PSD4: variants seen among roughly 807,000 people sequenced by gnomAD.
PSD4 encodes pleckstrin and Sec7 domain containing 4.
In PSD4, 59 loss-of-function variants were observed where a neutral mutation model predicts 112.5. The observed-to-expected ratio is 0.52, with a 90% confidence interval of 0.43 to 0.65. PSD4 has a LOEUF of 0.65. Ranked by LOEUF, PSD4 falls within the 30% of genes least tolerant of loss-of-function variation. PSD4 has a pLI of 0.00. For missense variants in PSD4, 1,267 were observed against 1,352.6 expected, an observed-to-expected ratio of 0.94 and a Z score of 0.99; for synonymous variants, 533 against 540.0, an observed-to-expected ratio of 0.99 and a Z score of 0.18.
At position 113,193,054 on chromosome 2, in the gene PSD4, C is replaced by T. The variant is rs755961403; in HGVS notation, c.1845C>T (p.Asp615=). Residue 615 remains aspartate (D), a synonymous_variant, in exon 7 of 17, where the codon GAC becomes GAT. Coordinates refer to ENST00000245796, the MANE Select transcript of PSD4 (RefSeq NM_012455.3). ...GCCCCTTTTCCCTCTGCAGCAATGACTTTAGCAGGGCTGTGGCTGAGGAGT... is the reference window on the plus strand; with the variant it reads ...GCCCCTTTTCCCTCTGCAGCAATGATTTTAGCAGGGCTGTGGCTGAGGAGT... The part of the protein sequence containing the change: ...EVAAYLQKNN[D]FSRAVAEEYL... 21 of 1,614,056 alleles carry T rather than the reference C, an allele frequency of 1.3e-5. No individual in the cohort carries two copies. The highest frequency in any genetic ancestry group is 1.8e-5 in the Non-Finnish European group (21 of 1,179,876).
Position 113,195,719 on chromosome 2 carries a change from T to C in PSD4, c.2182-8T>C. ...GCTCCCCTGCCCACCTGTGTGCTTCTGTTCCAGGCCCTCTACTGGTCTATC... is the reference window on the plus strand; with the variant it reads ...GCTCCCCTGCCCACCTGTGTGCTTCCGTTCCAGGCCCTCTACTGGTCTATC... On this transcript the variant is annotated splice_polypyrimidine_tract_variant and splice_region_variant and intron_variant, in intron 10 of 16. Coordinates refer to ENST00000245796, the MANE Select transcript of PSD4 (RefSeq NM_012455.3). 1.2e-6 allele frequency: 2 copies of C among 1,614,178 alleles called. No homozygotes were observed. Among genetic ancestry groups the C allele is most frequent in the Non-Finnish European group, 1.7e-6 (2 of 1,180,024 alleles).
Position 113,201,100 on chromosome 2 carries a change from G to C in PSD4, c.2914-58G>C, listed in dbSNP as rs564713267. 2.6e-5 allele frequency: 41 copies of C among 1,552,398 alleles called. No homozygotes were observed. In the South Asian group the frequency reaches 4.7e-4, roughly 18 times the overall value. ...CTGTGAGCTGTCCCTCACGATTCTA[G>C]CCTCCTCCCAACCTGGAGCCAGGAT... On this transcript the variant is annotated intron_variant, in intron 16 of 16. Transcript: ENST00000245796.
chr2:113,189,576 T>C (rs1688396282), intron 5 of PSD4, among the ~76,000 whole-genome samples: 1 of 152,198 alleles, frequency 6.6e-6, no homozygotes, highest in Non-Finnish European at 1.5e-5. Flanking sequence ...CTTTTAGTTC[T>C]TTAAGGAATC....
chr2:113,185,015 G>A lies in PSD4; in HGVS notation c.1115G>A (p.Trp372Ter). ...CCGTGTGTGGACGAAGCATTGACCTGGGAATCAGGATGTGTCGGATCTGAT... is the reference window on the plus strand; with the variant it reads ...CCGTGTGTGGACGAAGCATTGACCTAGGAATCAGGATGTGTCGGATCTGAT... ...AAPCVDEALT[W>*]ESGCVGSDLG... Residue 372 changes from tryptophan (W) to a stop codon, truncating the protein, a stop_gained, in exon 3 of 17, where the codon TGG becomes TAG. Transcript: ENST00000245796. LOFTEE classifies it high-confidence loss of function. The A allele has an allele frequency of 2.5e-6, 4 of 1,614,254 alleles. No homozygotes were observed. The highest frequency in any genetic ancestry group is 3.4e-6 in the Non-Finnish European group (4 of 1,180,038).
chr2:113,201,632 C>T lies in PSD4; in HGVS notation c.*217C>T. The T allele has an allele frequency of 1.5e-6, 1 of 658,210 alleles. No individual in the cohort carries two copies. Among genetic ancestry groups the T allele is most frequent in the Non-Finnish European group, 2.5e-6 (1 of 396,886 alleles). The allele number at this position is 658,210 out of a possible 1,614,324, so 40.8% of individuals were successfully genotyped here. A position where few individuals can be genotyped will look rare whatever the true frequency, so the allele number is the denominator to read the frequency against. On this transcript the variant is annotated 3_prime_UTR_variant, in exon 17 of 17. Coordinates refer to ENST00000245796, the MANE Select transcript of PSD4 (RefSeq NM_012455.3). ...CCCCACCACCCCCATGGCAGTCCCT[C>T]CGCAGCCCCAGTCCCTGGCCACGCC...
Position 113,184,763 on chromosome 2 carries a change from C to T in PSD4, c.1057-194C>T, listed in dbSNP as rs187854497. 1.8e-4 allele frequency among the ~76,000 whole-genome samples: 28 copies of T among 152,274 alleles called. No individual in the cohort carries two copies. The East Asian group carries it at 5.0e-3, about 27-fold the overall frequency. ...TCCTGTCTGGGAAGGCAGAGCCCAC[C>T]CAGCCCAGTGCCTGGGGCTATCACC... On this transcript the variant is annotated intron_variant, in intron 2 of 16. Coordinates refer to ENST00000245796, the MANE Select transcript of PSD4 (RefSeq NM_012455.3).
In PSD4 at chr2:113,192,579, C is replaced by T. The variant is rs45602136; in HGVS notation, c.1828C>T (p.Leu610=). 1.5e-4 allele frequency: 236 copies of T among 1,614,082 alleles called. 2 individuals carry two copies. The African/African-American group carries it at 2.6e-3, about 17-fold the overall frequency. The change falls in exon 6 of 17, where the codon CTG becomes TTG. Residue 610 remains leucine, a synonymous_variant. Coordinates refer to ENST00000245796, the MANE Select transcript of PSD4 (RefSeq NM_012455.3). ...GFRKSEVAAY[L]QKNNDFSRAV... Reference sequence around the variant, plus strand: ...CCGGAAGTCTGAAGTGGCTGCCTACCTGCAGAAGAAGTAAGGGGCTTTGAG... The same window carrying T: ...CCGGAAGTCTGAAGTGGCTGCCTACTTGCAGAAGAAGTAAGGGGCTTTGAG...
rs1383699135 is a variant in PSD4, at chr2:113,207,569, G to A, written c.*6154G>A. The stretch of plus-strand genomic sequence containing the variant: ...CCTCCCGAGTTCACGCCATTCTCCT[G>A]CCTCAGCCTCCCGAGTAGCTGGGAC... On this transcript the variant is annotated 3_prime_UTR_variant, in exon 17 of 17. Coordinates refer to ENST00000245796, the MANE Select transcript of PSD4 (RefSeq NM_012455.3). The A allele has an allele frequency of 7.1e-6, 1 of 140,854 alleles. No homozygotes were observed. Among genetic ancestry groups the A allele is most frequent in the Non-Finnish European group, 1.5e-5 (1 of 65,936 alleles). 8.7% of individuals were successfully genotyped at this position (140,854 alleles called of 1,614,324 possible).
Position 113,206,089 on chromosome 2 carries a change from T to C in PSD4, c.*4674T>C. The C allele has an allele frequency of 6.6e-6, 1 of 152,558 alleles. No homozygotes were observed. The highest frequency in any genetic ancestry group is 1.5e-5 in the Non-Finnish European group (1 of 68,162). 9.5% of individuals were successfully genotyped at this position (152,558 alleles called of 1,614,324 possible). A position where few individuals can be genotyped will look rare whatever the true frequency, so the allele number is the denominator to read the frequency against. On this transcript the variant is annotated 3_prime_UTR_variant, in exon 17 of 17. Transcript: ENST00000245796. ...TTCTCCTGCCTGCCACAGACCTCTC[T>C]CCTTCATGGGCCCACTGGGGCTCTT... is the stretch of plus-strand genomic sequence containing the variant.
rs1409222682 is a variant in PSD4, at chr2:113,198,787, C to T, written c.2672C>T (p.Ala891Val). 1 of 1,585,434 alleles carries T rather than the reference C, an allele frequency of 6.3e-7. No individual in the cohort carries two copies. The highest frequency in any genetic ancestry group is 1.1e-5 in the South Asian group (1 of 90,026). The change falls in exon 15 of 17, where the codon GCG becomes GTG. Residue 891 changes from alanine to valine, a missense_variant. Around this residue, in one of 2 missense-constraint regions of PSD4, gnomAD observed 544 missense variants for 648.6 expected, o/e 0.84. Transcript: ENST00000245796. ...TGGATCGCGCGCATCAACTTGGCTG[C>T]GGCCACGCACTCCGCGCCGCCCTTC... ...SSWIARINLA[A>V]ATHSAPPFPA...
At chr2:113,195,192 CATCCTG>C (rs1688565561) in intron 10 of PSD4, among the ~76,000 whole-genome samples, 1 of 150,466 alleles carries the variant, frequency 6.6e-6, no homozygotes, top group Admixed American at 6.6e-5. Context: ...GATGGAGTCT[CATCCTG>C]CACTGTCGCG....
At chr2:113,187,472 G>T (rs1475718032) in intron 5 of PSD4, among the ~76,000 whole-genome samples, 1 of 152,166 alleles carries the variant, frequency 6.6e-6, no homozygotes, top group Non-Finnish European at 1.5e-5. Context: ...GGTAGTTCAG[G>T]AGGTGGTCCT....
In PSD4 at chr2:113,204,096, G is replaced by A. The variant is rs1279965267; in HGVS notation, c.*2681G>A. The A allele has an allele frequency of 6.6e-6, 1 of 152,338 alleles. No individual in the cohort carries two copies. Among genetic ancestry groups the A allele is most frequent in the African/African-American group, 2.4e-5 (1 of 41,454 alleles). The allele number at this position is 152,338 out of a possible 1,614,324, so 9.4% of individuals were successfully genotyped here. On this transcript the variant is annotated 3_prime_UTR_variant, in exon 17 of 17. Transcript: ENST00000245796. ...CAGTTATGACATGTGACCACTTGGA[G>A]GCAGGCTTGCATCTTTCTAGCTTCT...
chr2:113,196,960 T>C (rs1688630810), intron 12 of PSD4, among the ~76,000 whole-genome samples: 1 of 152,250 alleles, frequency 6.6e-6, no homozygotes, highest in Non-Finnish European at 1.5e-5. Flanking sequence ...CAAGCACAGA[T>C]TGAATAGGCT....
intron 5 of PSD4, among the ~76,000 whole-genome samples, chr2:113,188,674 A>G (rs1573364029): frequency 6.6e-6 from 1 of 151,606 alleles, no homozygotes; most frequent in Admixed American, 6.6e-5. Flanking sequence ...TCTGCCTCCC[A>G]AGTTCAGGCC....
chr2:113,185,284 C>T, intron 3 of PSD4, 81 bp from the exon 4 acceptor site: 1 of 1,584,520 alleles, frequency 6.3e-7, no homozygotes, highest in Non-Finnish European at 8.6e-7. Context: ...CCTCCTTTCC[C>T]CTTCTCCCTG....
intron 5 of PSD4, among the ~76,000 whole-genome samples, chr2:113,186,657 C>A (rs1688308928): frequency 6.6e-6 from 1 of 152,162 alleles, no homozygotes. Context: ...GGATTATGGA[C>A]TGCTTTGAAT....
chr2:113,177,983 C>T (rs1156965128), intron 1 of PSD4, among the ~76,000 whole-genome samples: 2 of 152,086 alleles, frequency 1.3e-5, no homozygotes, highest in Non-Finnish European at 2.9e-5. Flanking sequence ...TTTGGGAGGC[C>T]AAGGTAGGTG....
At chr2:113,189,477 G>A (rs1286926602) in intron 5 of PSD4, among the ~76,000 whole-genome samples, 1 of 152,086 alleles carries the variant, frequency 6.6e-6, no homozygotes, top group Non-Finnish European at 1.5e-5. Context: ...GCATAAGCAT[G>A]TGTATGCAAG....
Sources: allele counts gnomAD v4.1 joint callset (sites outside exome capture counted in the v4.1 genomes callset), GRCh38; gene constraint gnomAD v4.1.1; regional missense constraint gnomAD v4.1.1; transcripts MANE v1.5; gene names NCBI Gene and HGNC (gene_info 2026-07-23, HGNC 2026-07-21).